GFPT2: variants seen among roughly 807,000 people sequenced by gnomAD.
GFPT2 encodes glutamine--fructose-6-phosphate transaminase 2, also known as glutamine--fructose-6-phosphate aminotransferase [isomerizing] 2.
Under a neutral mutation model 85.6 loss-of-function variants are expected in GFPT2, and 62 were observed. That is an observed-to-expected ratio of 0.72 (90% confidence interval 0.59 to 0.90). The LOEUF is 0.90. GFPT2 is among the 40% of genes least tolerant of loss of function. GFPT2 has a pLI of 0.00. For synonymous variants in GFPT2, 368 were observed against 344.5 expected (o/e 1.07, Z -0.75); for missense variants, 788 against 893.4 (o/e 0.88, Z 1.50).
Position 180,323,799 on chromosome 5 carries a change from A to T in GFPT2, c.794+389T>A, listed in dbSNP as rs917021698. On this transcript the variant is annotated intron_variant, in intron 9 of 18. Coordinates refer to ENST00000253778, the MANE Select transcript of GFPT2 (RefSeq NM_005110.4). The surrounding 1 kb of genome is among the most constrained non-coding windows in gnomAD (Gnocchi z 4.0). ...TCTAAAGGGGGCAGCCTTTGAGCAG[A>T]TCCAGACACCTGCCACCTGAGAGAG... Among the ~76,000 whole-genome samples the T allele has an allele frequency of 6.6e-6, 1 of 152,218 alleles. No individual in the cohort carries two copies. Among genetic ancestry groups the T allele is most frequent in the Admixed American group, 6.5e-5 (1 of 15,286 alleles).
At chr5:180,302,241 T>C (rs1763689329) in intron 18 of GFPT2, among the ~76,000 whole-genome samples, 182 bp downstream of exon 18, 1 of 150,996 alleles carries the variant, frequency 6.6e-6, no homozygotes, top group Middle Eastern at 3.4e-3. Flanking sequence ...GAGCCGAGGT[T>C]GTGCCACTGC....
chr5:180,332,672 G>A (rs1443794839), intron 4 of GFPT2, among the ~76,000 whole-genome samples: 1 of 152,104 alleles, frequency 6.6e-6, no homozygotes, highest in Non-Finnish European at 1.5e-5. Flanking sequence ...CAAGTAGCTG[G>A]AATTGCAGGT....
At chr5:180,319,926 T>C (rs540251939) in intron 9 of GFPT2, among the ~76,000 whole-genome samples, 4 of 152,114 alleles carry the variant, frequency 2.6e-5, no homozygotes, top group African/African-American at 7.2e-5. Context: ...CACACACACA[T>C]ACACAAAGGA....
chr5:180,320,491 G>A (rs111668102), intron 9 of GFPT2, among the ~76,000 whole-genome samples: 2,768 of 152,190 alleles, frequency 0.018, 71 homozygotes, highest in East Asian at 0.099. Flanking sequence ...AAACACTCTC[G>A]GCCGGGAGCC....
At chr5:180,352,920 G>A in intron 1 of GFPT2, 1 of 441,812 alleles carries the variant, frequency 2.3e-6, no homozygotes, top group South Asian at 3.7e-5. Context: ...GGCCGGACCG[G>A]ACCAGGTCCC....
chr5:180,313,987 G>A (rs1457598737), intron 13 of GFPT2, 23 bp from the exon 14 acceptor site: 1 of 1,575,728 alleles, frequency 6.3e-7, no homozygotes. Flanking sequence ...GGCCCTCTCA[G>A]TGCCGCGCTC....
At chr5:180,304,715 G>T in intron 17 of GFPT2, 57 bp downstream of exon 17, 1 of 1,441,744 alleles carries the variant, frequency 6.9e-7, no homozygotes, top group Non-Finnish European at 9.7e-7. Flanking sequence ...GTGGTGAGGT[G>T]GGCATGCATG....
chr5:180,343,398 G>A lies in GFPT2; in HGVS notation c.8-4798C>T, dbSNP rs1419481863. 2.0e-5 allele frequency among the ~76,000 whole-genome samples: 3 copies of A among 152,230 alleles called. 1 individual carries two copies. Among genetic ancestry groups the A allele is most frequent in the Middle Eastern group, 6.3e-3 (2 of 316 alleles). On this transcript the variant is annotated intron_variant, in intron 1 of 18. Coordinates refer to ENST00000253778, the MANE Select transcript of GFPT2 (RefSeq NM_005110.4). Reference sequence around the variant, plus strand: ...GTCCTCAGGACCACCAGCTGTGTCCGTACCCAGCCAGGAGGCCCGGTGCCC... The same window carrying A: ...GTCCTCAGGACCACCAGCTGTGTCCATACCCAGCCAGGAGGCCCGGTGCCC...
At chr5:180,309,340 C>T (rs775536688) in intron 15 of GFPT2, among the ~76,000 whole-genome samples, 1 of 152,212 alleles carries the variant, frequency 6.6e-6, no homozygotes, top group Non-Finnish European at 1.5e-5. Flanking sequence ...AAATGTCTAA[C>T]AAACACCAAA....
rs1231214361 is a variant in GFPT2 at position 180,313,792 on chromosome 5, C to G, written c.1431+15G>C. ...CCAGGCTCTCCCTGGGACGGGCGCC[C>G]GTGGCTCCTCCTACCTTGGTGCTGG... On this transcript the variant is annotated intron_variant, in intron 14 of 18. Transcript: ENST00000253778. 2.6e-6 allele frequency: 4 copies of G among 1,538,034 alleles called. No individual in the cohort carries two copies. The highest frequency in any genetic ancestry group is 3.5e-6 in the Non-Finnish European group (4 of 1,146,646).
Position 180,313,002 on chromosome 5 carries a change from C to T in GFPT2, c.1432-458G>A, listed in dbSNP as rs1165481394. Among the ~76,000 whole-genome samples, 174 of 152,124 alleles carry T rather than the reference C, an allele frequency of 1.1e-3. 1 individual carries two copies. Among genetic ancestry groups the T allele is most frequent in the Non-Finnish European group, 2.1e-3 (146 of 68,002 alleles). On this transcript the variant is annotated intron_variant, in intron 14 of 18. Transcript: ENST00000253778. ...GTGTTAGCCAGGATGGTCTCAAACC[C>T]CTGACCTCAGGTGATCCCCCTGCCT...
chr5:180,341,839 G>C (rs1764522009), intron 1 of GFPT2, among the ~76,000 whole-genome samples: 1 of 152,196 alleles, frequency 6.6e-6, no homozygotes, highest in Non-Finnish European at 1.5e-5. Flanking sequence ...TATGGTTCCA[G>C]AGGCTCACAC....
intron 15 of GFPT2, among the ~76,000 whole-genome samples, 164 bp from the exon 16 acceptor site, chr5:180,307,467 G>C (rs1763804458): frequency 1.3e-5 from 2 of 152,200 alleles, no homozygotes; most frequent in African/African-American, 4.8e-5. Flanking sequence ...GAAATAACTT[G>C]GGCTCCTGGC....
chr5:180,343,818 C>T lies in GFPT2; in HGVS notation c.8-5218G>A, dbSNP rs758656942. 3.9e-4 allele frequency among the ~76,000 whole-genome samples: 60 copies of T among 152,292 alleles called. 1 individual carries two copies. The highest frequency in any genetic ancestry group is 7.5e-4 in the Non-Finnish European group (51 of 68,018). ...ATCCACTTTTTTAAACCCATGAGGT[C>T]GGTAAAGATCAAACAGTTGGACAGT... On this transcript the variant is annotated intron_variant, in intron 1 of 18. Coordinates refer to ENST00000253778, the MANE Select transcript of GFPT2 (RefSeq NM_005110.4).
chr5:180,325,896 G>A (rs541073189), intron 7 of GFPT2, among the ~76,000 whole-genome samples: 22 of 152,236 alleles, frequency 1.4e-4, no homozygotes, highest in African/African-American at 4.6e-4. Flanking sequence ...ATGGTGGGGG[G>A]TGCCTGTAAT....
chr5:180,335,757 T>C (rs772524242), intron 4 of GFPT2, 71 bp downstream of exon 4: 64 of 1,514,680 alleles, frequency 4.2e-5, no homozygotes, highest in Admixed American at 1.3e-4. Flanking sequence ...GGAACCTGCT[T>C]TGGCGGGCAC....
rs762953217 is a variant in GFPT2 at position 180,312,532 on chromosome 5, G to C, written c.1444C>G (p.Gln482Glu). ...GVASTKAYTS[Q>E]FISLVMFGLM... ...CCAAACATCACCAGAGAGATGAACT[G>C]ACTGGTATAAGCCTGTGCACAAAGA... Residue 482 changes from glutamine (Q) to glutamate (E), a missense_variant, in exon 15 of 19, where the codon CAG (glutamine) becomes GAG (glutamate). Gln to Glu is a conservative substitution (Grantham distance 29, BLOSUM62 2). Coordinates refer to ENST00000253778, the MANE Select transcript of GFPT2 (RefSeq NM_005110.4). 1.3e-6 allele frequency: 2 copies of C among 1,569,180 alleles called. No individual in the cohort carries two copies. Among genetic ancestry groups the C allele is most frequent in the African/African-American group, 2.7e-5 (2 of 74,058 alleles).
At position 180,324,270 on chromosome 5, in the gene GFPT2, G is replaced by A. The variant is rs376830896; in HGVS notation, c.712C>T (p.Arg238Trp). 1.4e-5 allele frequency: 22 copies of A among 1,609,302 alleles called. No homozygotes were observed. Among genetic ancestry groups the A allele is most frequent in the Middle Eastern group, 1.6e-4 (1 of 6,066 alleles). The change falls in exon 9 of 19, where the codon CGG becomes TGG. Residue 238 changes from arginine to tryptophan, a missense_variant. Physicochemically the swap from Arg to Trp is moderately radical, Grantham distance 101. Coordinates refer to ENST00000253778, the MANE Select transcript of GFPT2 (RefSeq NM_005110.4). ...LENVKNICKT[R>W]MKRLDSSACL... ...GCGGAGCTGTCCAGCCTCTTCATCC[G>A]TGTCTTACAGATATTCTTCACATTC...
intron 13 of GFPT2, 37 bp downstream of exon 13, chr5:180,316,304 C>G: frequency 6.2e-7 from 1 of 1,611,742 alleles, no homozygotes; most frequent in Non-Finnish European, 8.5e-7. Flanking sequence ...CAGAGCTGAC[C>G]TGATGCAAGG....
Sources: allele counts gnomAD v4.1 joint callset (sites outside exome capture counted in the v4.1 genomes callset), GRCh38; gene constraint gnomAD v4.1.1; non-coding constraint Gnocchi (gnomAD v3.1); transcripts MANE v1.5; gene names NCBI Gene and HGNC (gene_info 2026-07-23, HGNC 2026-07-21).